The following WDFY4 variants were observed in gnomAD, a reference collection of about 807,000 sequenced individuals.
WDFY4 encodes the protein WD repeat- and FYVE domain-containing protein 4.
In WDFY4, 169 loss-of-function variants were observed where a neutral mutation model predicts 351.9. The observed-to-expected ratio is 0.48, with a 90% CI of 0.42 to 0.55. WDFY4 has a LOEUF of 0.55. Among genes scored for constraint, WDFY4 ranks in the 20% least tolerant of loss-of-function variants. The pLI, the probability that WDFY4 is intolerant of heterozygous loss-of-function variation, is 0.00. For synonymous variants in WDFY4, 1,622 were observed against 1,574.6 expected (o/e 1.03, Z -0.71); for missense variants, 3,803 against 3,935.6 (o/e 0.97, Z 0.90).
rs1393532898 is a variant in WDFY4, at chr10:48,796,331, C to T, written c.4291C>T (p.Leu1431Phe). Residue 1431 changes from leucine (L) to phenylalanine (F), a missense_variant, in exon 24 of 62, where the codon CTC becomes TTC. By Grantham distance (22) the Leu-to-Phe change is conservative. Around this residue, in one of 3 missense-constraint regions of WDFY4, gnomAD observed 3,054 missense variants for 3,148.6 expected, o/e 0.97. Transcript: ENST00000325239. ...MAFLLRKKAS[L>F]LNHRIFQLIL... is the part of the protein sequence containing the mutation. ...GTTTCTCCTGAGGAAGAAGGCCTCT[C>T]TCCTGAACCATCGAATTTTTCAGCT... The T allele has an allele frequency of 1.9e-6, 3 of 1,552,234 alleles. No homozygotes were observed. Among genetic ancestry groups the T allele is most frequent in the African/African-American group, 2.7e-5 (2 of 73,040 alleles).
At chr10:48,903,923 A>G (rs1413055439) in intron 47 of WDFY4, among the ~76,000 whole-genome samples, 4 of 152,258 alleles carry the variant, frequency 2.6e-5, no homozygotes, top group African/African-American at 9.6e-5. Context: ...TGGTAAGGAC[A>G]TGGGCAGAGC....
intron 11 of WDFY4, among the ~76,000 whole-genome samples, chr10:48,742,195 G>C (rs998346861): frequency 6.6e-6 from 1 of 152,220 alleles, no homozygotes; most frequent in Non-Finnish European, 1.5e-5. Context: ...ACAGCTCTCA[G>C]TGATCTGGAG....
chr10:48,861,592 T>A (rs1029261819), intron 39 of WDFY4, among the ~76,000 whole-genome samples: 4 of 152,158 alleles, frequency 2.6e-5, no homozygotes, highest in African/African-American at 9.6e-5. Context: ...CTAGGTAAGG[T>A]GTTGTTTCTC....
chr10:48,850,362 A>C (rs899618015), intron 39 of WDFY4, among the ~76,000 whole-genome samples: 25 of 152,152 alleles, frequency 1.6e-4, no homozygotes, highest in Admixed American at 1.0e-3. Context: ...ATGTCGGTAG[A>C]GATTCATTCA....
intron 39 of WDFY4, among the ~76,000 whole-genome samples, chr10:48,857,304 A>G (rs979618561): frequency 1.3e-5 from 2 of 151,628 alleles, no homozygotes; most frequent in African/African-American, 4.9e-5. Context: ...AATAATTTGT[A>G]CTGCTTCATC....
chr10:48,955,182 C>T (rs905568285), intron 51 of WDFY4, among the ~76,000 whole-genome samples: 8 of 152,166 alleles, frequency 5.3e-5, no homozygotes, highest in African/African-American at 1.2e-4. Context: ...ATATTTATTT[C>T]GACACCCCAC....
chr10:48,701,764 C>T (rs1300071088), intron 1 of WDFY4, among the ~76,000 whole-genome samples: 2 of 152,198 alleles, frequency 1.3e-5, no homozygotes, highest in Admixed American at 6.5e-5. Flanking sequence ...CTCTGAGGCT[C>T]TTTCCAGCAC....
In WDFY4 at chr10:48,788,074, C is replaced by A. The variant is rs149092501; in HGVS notation, c.3809-456C>A. On this transcript the variant is annotated intron_variant, in intron 20 of 61. Transcript: ENST00000325239. ...ACAGAGTCTCACTCTGTCACCCAGACTGGAGTGCAATGTCATGATCTGGGC... is the reference window on the plus strand; with the variant it reads ...ACAGAGTCTCACTCTGTCACCCAGAATGGAGTGCAATGTCATGATCTGGGC... Among the ~76,000 whole-genome samples, 873 of 150,722 alleles carry A rather than the reference C, an allele frequency of 5.8e-3. 9 individuals are homozygous for A. Among genetic ancestry groups the A allele is most frequent in the African/African-American group, 0.02 (815 of 40,784 alleles).
At chr10:48,921,904 C>G in intron 47 of WDFY4, among the ~76,000 whole-genome samples, 2 of 152,214 alleles carry the variant, frequency 1.3e-5, no homozygotes, top group East Asian at 3.9e-4. Context: ...GAAGACACTT[C>G]GGAAATTTCT....
chr10:48,942,577 T>C lies in WDFY4; in HGVS notation c.7629+729T>C, dbSNP rs71500260. 2.0e-3 allele frequency among the ~76,000 whole-genome samples: 301 copies of C among 152,284 alleles called. 3 individuals are homozygous for C. Among genetic ancestry groups the C allele is most frequent in the Non-Finnish European group, 3.2e-3 (217 of 68,028 alleles). On this transcript the variant is annotated intron_variant, in intron 48 of 61. Transcript: ENST00000325239. The stretch of plus-strand genomic sequence containing the variant: ...CAAGTTGACATTCAGCCCAGGGTTC[T>C]CAAAGAAAGGAAGAGACCCTAAAAG...
At chr10:48,877,400 A>G (rs2070063215) in intron 43 of WDFY4, among the ~76,000 whole-genome samples, 1 of 152,188 alleles carries the variant, frequency 6.6e-6, no homozygotes, top group African/African-American at 2.4e-5. Flanking sequence ...AGGGAAGTCT[A>G]TACATCCTGC....
rs1231843879 is a variant in WDFY4, at chr10:48,729,540, C to T, written c.1080C>T (p.Ser360=). Residue 360 remains serine (S), a synonymous_variant, in exon 8 of 62, where the codon AGC becomes AGT. Transcript: ENST00000325239. ...CGRSELKVFD[S]ITYPQLEGFK... ...GGTCAGAGCTGAAGGTGTTTGACAGCATCACTTACCCTCAGCTTGAAGGCT... is the reference window on the plus strand; with the variant it reads ...GGTCAGAGCTGAAGGTGTTTGACAGTATCACTTACCCTCAGCTTGAAGGCT... 1.3e-6 allele frequency: 2 copies of T among 1,551,742 alleles called. No homozygotes were observed. The highest frequency in any genetic ancestry group is 2.4e-5 in the South Asian group (2 of 84,058).
Position 48,692,947 on chromosome 10 carries a change from G to C in WDFY4, c.-18+7946G>C, listed in dbSNP as rs533474959. 5.3e-5 allele frequency among the ~76,000 whole-genome samples: 8 copies of C among 152,344 alleles called. No individual in the cohort carries two copies. The South Asian group carries it at 1.7e-3, about 32-fold the overall frequency. ...AGCAGTTTGAAAGTGGAGAGGAGCA[G>C]GGTTGCTTCTTGTGTTGAGGGGGGC... On this transcript the variant is annotated intron_variant, in intron 1 of 61. Transcript: ENST00000325239.
chr10:48,707,775 G>C (rs12767182), intron 1 of WDFY4, among the ~76,000 whole-genome samples: 18,595 of 152,242 alleles, frequency 0.12, 1,366 homozygotes, highest in African/African-American at 0.2. Flanking sequence ...CACCAAGTGA[G>C]AGTGTGGGTG....
At chr10:48,724,347 C>A (rs564191059) in intron 5 of WDFY4, among the ~76,000 whole-genome samples, 3 of 152,246 alleles carry the variant, frequency 2.0e-5, no homozygotes, top group African/African-American at 7.2e-5. Flanking sequence ...ACATTGGCAT[C>A]CACATTAGAC....
chr10:48,709,740 CAGA>C lies in WDFY4; in HGVS notation c.12_14del (p.Glu4del). ...GATCTGCTTTGCCACGGCATGGAGG[CAGA>C]AGATCTTTCAAAGGCTGAAGACAGA... On this transcript the variant is annotated inframe_deletion, in exon 2 of 62. Coordinates refer to ENST00000325239, the MANE Select transcript of WDFY4 (RefSeq NM_001394531.1). The C allele has an allele frequency of 6.4e-7, 1 of 1,552,032 alleles. No individual in the cohort carries two copies. The highest frequency in any genetic ancestry group is 1.2e-5 in the South Asian group (1 of 84,058).
chr10:48,928,711 T>A (rs1052890535), intron 47 of WDFY4, among the ~76,000 whole-genome samples: 2 of 152,158 alleles, frequency 1.3e-5, no homozygotes, highest in Non-Finnish European at 2.9e-5. Context: ...CAGCCCAGAG[T>A]CCACTGGAGC....
At chr10:48,722,711 C>T (rs971307462) in intron 4 of WDFY4, among the ~76,000 whole-genome samples, 5 of 152,200 alleles carry the variant, frequency 3.3e-5, no homozygotes, top group Admixed American at 2.0e-4. Context: ...CACACACACA[C>T]GTGCGTGCGC....
chr10:48,881,303 A>G (rs369788190), intron 43 of WDFY4, among the ~76,000 whole-genome samples: 9 of 152,226 alleles, frequency 5.9e-5, no homozygotes, highest in East Asian at 3.8e-4. Context: ...GGATCCTGTT[A>G]AGACTGAGGC....
Sources: allele counts gnomAD v4.1 joint callset (sites outside exome capture counted in the v4.1 genomes callset), GRCh38; gene constraint gnomAD v4.1.1; regional missense constraint gnomAD v4.1.1; transcripts MANE v1.5; gene names NCBI Gene and HGNC (gene_info 2026-07-23, HGNC 2026-07-21).